The following EFNA5 variants were observed in gnomAD, a reference collection of about 807,000 sequenced individuals.
EFNA5 encodes ephrin-A5.
In EFNA5, 5 loss-of-function variants were observed where a neutral mutation model predicts 22.9. The observed-to-expected ratio is 0.22, with a 90% CI of 0.11 to 0.46. The LOEUF is 0.46. EFNA5 is among the 20% of genes least tolerant of loss of function. EFNA5 has a pLI of 0.99. For synonymous variants in EFNA5, 113 were observed against 112.2 expected (o/e 1.01, Z -0.04); for missense variants, 237 against 293.3 (o/e 0.81, Z 1.40).
intron 1 of EFNA5, among the ~76,000 whole-genome samples, chr5:107,641,730 A>G (rs1199450567): frequency 2.0e-5 from 3 of 152,202 alleles, no homozygotes; most frequent in Non-Finnish European, 4.4e-5. Context: ...ATAAATATGT[A>G]TAAAAGCCAA....
chr5:107,395,740 G>A (rs1747905089), intron 2 of EFNA5, among the ~76,000 whole-genome samples: 1 of 152,002 alleles, frequency 6.6e-6, no homozygotes, highest in African/African-American at 2.4e-5. Flanking sequence ...GTACTAGAGA[G>A]GTATTATCTG....
chr5:107,526,950 TA>T (rs1433419167), intron 1 of EFNA5, among the ~76,000 whole-genome samples: 2 of 152,226 alleles, frequency 1.3e-5, no homozygotes, highest in Non-Finnish European at 2.9e-5. Context: ...GTTCTTTTAA[TA>T]TATTGACTAT....
chr5:107,525,848 T>C (rs968593677), intron 1 of EFNA5, among the ~76,000 whole-genome samples: 3 of 152,132 alleles, frequency 2.0e-5, no homozygotes, highest in Non-Finnish European at 4.4e-5. Flanking sequence ...CATGTGTAAA[T>C]GAATTCCTGT....
In EFNA5 at chr5:107,409,046, C is replaced by A. The variant is rs1447968968; in HGVS notation, c.418+18171G>T. 2.0e-5 allele frequency among the ~76,000 whole-genome samples: 3 copies of A among 152,192 alleles called. No homozygotes were observed. In the South Asian group the frequency reaches 6.2e-4, roughly 31 times the overall value. The stretch of plus-strand genomic sequence containing the variant: ...TCCACATCAAGCTTGAACACAAAGA[C>A]ATTAAAATCTTCCAAGGGGTCAGGT... On this transcript the variant is annotated intron_variant, in intron 2 of 4. Transcript: ENST00000333274.
chr5:107,514,989 C>T (rs897910134), intron 1 of EFNA5, among the ~76,000 whole-genome samples: 3 of 152,240 alleles, frequency 2.0e-5, no homozygotes, highest in South Asian at 2.1e-4. Flanking sequence ...GGGTGAATGC[C>T]GGCAGGAACT....
At chr5:107,479,455 C>T (rs1299060272) in intron 1 of EFNA5, among the ~76,000 whole-genome samples, 7 of 145,778 alleles carry the variant, frequency 4.8e-5, no homozygotes, top group East Asian at 1.9e-4. Context: ...AATGAAAACA[C>T]ATTTAAAAAA....
At chr5:107,428,482 T>A (rs889106541) in intron 1 of EFNA5, among the ~76,000 whole-genome samples, 1 of 152,246 alleles carries the variant, frequency 6.6e-6, no homozygotes, top group Non-Finnish European at 1.5e-5. Context: ...TGCTTATCTG[T>A]TTTAACTAAT....
chr5:107,644,703 G>A (rs1269649981), intron 1 of EFNA5, among the ~76,000 whole-genome samples: 1 of 151,950 alleles, frequency 6.6e-6, no homozygotes, highest in Non-Finnish European at 1.5e-5. Flanking sequence ...TTTCTGTTTT[G>A]TTTTTTGTTT....
chr5:107,670,514 C>A lies in EFNA5; in HGVS notation c.100G>T (p.Val34Phe). 6.3e-7 allele frequency: 1 copy of A among 1,575,220 alleles called. No homozygotes were observed. Among genetic ancestry groups the A allele is most frequent in the East Asian group, 2.4e-5 (1 of 42,176 alleles). ...CTGGGGTTGCTGCTGTTCCAGTAGA[C>A]AGCGTAGCGGTCGGCGACGGCCTTG... ...GSKAVADRYA[V>F]YWNSSNPRFQ... is the part of the protein sequence containing the mutation. Residue 34 changes from valine (V) to phenylalanine (F), a missense_variant, in exon 1 of 5, where the codon GTC (valine) becomes TTC (phenylalanine). By Grantham distance (50) the Val-to-Phe change is conservative. Transcript: ENST00000333274.
chr5:107,504,784 A>G (rs1747216383), intron 1 of EFNA5, among the ~76,000 whole-genome samples: 2 of 152,208 alleles, frequency 1.3e-5, no homozygotes, highest in Admixed American at 1.3e-4. Flanking sequence ...GTGAAAGTAC[A>G]ATTATAATGA....
At chr5:107,402,982 T>C (rs1748123441) in intron 2 of EFNA5, among the ~76,000 whole-genome samples, 1 of 152,222 alleles carries the variant, frequency 6.6e-6, no homozygotes, top group Non-Finnish European at 1.5e-5. Context: ...TGTTCAATCA[T>C]TTCAATTCCC....
At chr5:107,477,657 G>A (rs367630849) in intron 1 of EFNA5, among the ~76,000 whole-genome samples, 1 of 152,136 alleles carries the variant, frequency 6.6e-6, no homozygotes, top group South Asian at 2.1e-4. Flanking sequence ...AGCCACAGGT[G>A]AAAGGTTTCT....
intron 1 of EFNA5, among the ~76,000 whole-genome samples, chr5:107,465,476 GACGCCA>G (rs1194893545): frequency 1.3e-5 from 2 of 152,134 alleles, no homozygotes; most frequent in Admixed American, 6.5e-5. Context: ...TTACTCCAAA[GACGCCA>G]CGTAAATGTG....
intron 1 of EFNA5, among the ~76,000 whole-genome samples, chr5:107,548,220 T>G (rs1748212226): frequency 6.6e-6 from 1 of 152,190 alleles, no homozygotes; most frequent in Non-Finnish European, 1.5e-5. Context: ...TTATTTCAGT[T>G]GAGGTGGAGT....
At chr5:107,483,009 T>C (rs1305173871) in intron 1 of EFNA5, among the ~76,000 whole-genome samples, 1 of 152,028 alleles carries the variant, frequency 6.6e-6, no homozygotes, top group Admixed American at 6.6e-5. Context: ...ATGTTTCATA[T>C]CTCATGAACC....
chr5:107,639,653 T>G (rs1750459460), intron 1 of EFNA5, among the ~76,000 whole-genome samples: 1 of 152,192 alleles, frequency 6.6e-6, no homozygotes, highest in African/African-American at 2.4e-5. Context: ...AGCAGTGTGG[T>G]AGCTGGTAGT....
At chr5:107,577,278 T>G (rs1748946695) in intron 1 of EFNA5, among the ~76,000 whole-genome samples, 1 of 152,052 alleles carries the variant, frequency 6.6e-6, no homozygotes, top group African/African-American at 2.4e-5. Flanking sequence ...GAACGTAGCC[T>G]GGGAAAAGGG....
intron 1 of EFNA5, among the ~76,000 whole-genome samples, chr5:107,561,434 T>C (rs1748541532): frequency 6.6e-6 from 1 of 152,160 alleles, no homozygotes; most frequent in Admixed American, 6.5e-5. Context: ...AATGGCGCTA[T>C]CTTGGCCCAC....
chr5:107,482,553 T>C (rs1170779163), intron 1 of EFNA5, among the ~76,000 whole-genome samples: 1 of 152,164 alleles, frequency 6.6e-6, no homozygotes, highest in Non-Finnish European at 1.5e-5. Flanking sequence ...AGGGCGCATC[T>C]GCTGGATTGG....
Sources: gnomAD v4.1 joint callset for allele counts (sites outside exome capture counted in the v4.1 genomes callset) on GRCh38, gnomAD v4.1.1 for gene constraint, MANE v1.5 for transcripts, NCBI Gene and HGNC (gene_info 2026-07-23, HGNC 2026-07-21) for gene names.